Variants in KCNH5 observed in about 807,000 individuals in gnomAD.
KCNH5 encodes the protein potassium voltage-gated channel subfamily H member 5.
In KCNH5, 46 loss-of-function variants were observed where a neutral mutation model predicts 96.1. That is an observed-to-expected ratio of 0.48 (90% CI 0.38 to 0.61). The LOEUF is 0.61. Among genes scored for constraint, KCNH5 ranks in the 20% least tolerant of loss-of-function variants. The pLI is 0.00. For synonymous variants in KCNH5, 439 were observed against 449.8 expected (o/e 0.98, Z 0.30); for missense variants, 907 against 1,225.8 (o/e 0.74, Z 3.88).
intron 9 of KCNH5, 148 bp from the exon 10 acceptor site, chr14:62,780,072 C>T (rs950404598): frequency 2.1e-6 from 1 of 479,154 alleles, no homozygotes; most frequent in East Asian, 3.4e-5. Flanking sequence ...TAACAATACA[C>T]AATGCTTTCA....
rs370875590 is a variant in KCNH5 at position 62,870,647 on chromosome 14, C to G, written c.1370-20795G>C. 3.8e-4 allele frequency among the ~76,000 whole-genome samples: 58 copies of G among 152,216 alleles called. 1 individual carries two copies. Among genetic ancestry groups the G allele is most frequent in the East Asian group, 3.3e-3 (17 of 5,176 alleles). On this transcript the variant is annotated intron_variant, in intron 7 of 10. Coordinates refer to ENST00000322893, the MANE Select transcript of KCNH5 (RefSeq NM_139318.5). ...AGTGAGTATCTTTTATAGGATAATG[C>G]ATGGAAACCTTTAACCACTGGAAAA...
chr14:62,889,620 TA>T (rs1888664222), intron 7 of KCNH5, among the ~76,000 whole-genome samples: 1 of 151,964 alleles, frequency 6.6e-6, no homozygotes, highest in Admixed American at 6.6e-5. Context: ...CCTAAGAGAG[TA>T]GAATCTCCAT....
At chr14:62,959,346 A>C (rs1483065802) in intron 6 of KCNH5, among the ~76,000 whole-genome samples, 1 of 152,142 alleles carries the variant, frequency 6.6e-6, no homozygotes, top group East Asian at 1.9e-4. Context: ...TGTCTCTAAA[A>C]GACAACATAT....
At chr14:62,835,999 A>G (rs1254671714) in intron 8 of KCNH5, among the ~76,000 whole-genome samples, 1 of 152,030 alleles carries the variant, frequency 6.6e-6, no homozygotes, top group Non-Finnish European at 1.5e-5. Context: ...AGATTACAGA[A>G]CAGGTCTTTT....
intron 8 of KCNH5, among the ~76,000 whole-genome samples, chr14:62,828,428 A>G (rs144303215): frequency 1.3e-5 from 2 of 152,312 alleles, no homozygotes; most frequent in East Asian, 3.9e-4. Flanking sequence ...TAATTTATGT[A>G]GAGATGAGGT....
At chr14:62,725,356 A>G (rs1257962915) in intron 10 of KCNH5, among the ~76,000 whole-genome samples, 1 of 152,152 alleles carries the variant, frequency 6.6e-6, no homozygotes, top group East Asian at 1.9e-4. Flanking sequence ...AATTCCATAT[A>G]TTTCTGTAAT....
At chr14:62,887,278 G>C (rs1888616335) in intron 7 of KCNH5, among the ~76,000 whole-genome samples, 1 of 152,142 alleles carries the variant, frequency 6.6e-6, no homozygotes, top group Non-Finnish European at 1.5e-5. Context: ...ATCAGTTCTT[G>C]ATTAAGGGAG....
At chr14:62,871,628 T>G (rs561540823) in intron 7 of KCNH5, among the ~76,000 whole-genome samples, 1 of 152,098 alleles carries the variant, frequency 6.6e-6, no homozygotes, top group Non-Finnish European at 1.5e-5. Context: ...TTCTGGGGAA[T>G]GAGGAATTGA....
At chr14:62,880,193 AC>A (rs1888464370) in intron 7 of KCNH5, among the ~76,000 whole-genome samples, 1 of 152,184 alleles carries the variant, frequency 6.6e-6, no homozygotes. Context: ...AGCAACCATT[AC>A]ATAGGTAATT....
chr14:62,899,285 T>C (rs1888874854), intron 7 of KCNH5, among the ~76,000 whole-genome samples: 2 of 152,156 alleles, frequency 1.3e-5, no homozygotes, highest in African/African-American at 4.8e-5. Flanking sequence ...CAAAAACTCA[T>C]GTGTACAGTA....
chr14:63,001,551 C>T (rs1375256312), intron 3 of KCNH5, 92 bp from the exon 4 acceptor site: 2 of 1,203,820 alleles, frequency 1.7e-6, no homozygotes, highest in East Asian at 2.5e-5. Flanking sequence ...CCTTCAGCTG[C>T]CAACAGCTGT....
intron 7 of KCNH5, among the ~76,000 whole-genome samples, chr14:62,939,766 C>T (rs527301774): frequency 6.6e-6 from 1 of 152,036 alleles, no homozygotes; most frequent in Middle Eastern, 3.2e-3. Flanking sequence ...GTGGTGAAAC[C>T]CCCAACTCTA....
chr14:62,881,050 A>G (rs1370098898), intron 7 of KCNH5, among the ~76,000 whole-genome samples: 2 of 152,194 alleles, frequency 1.3e-5, no homozygotes, highest in African/African-American at 2.4e-5. Context: ...TCACTTTTCA[A>G]TCTGTTGTGT....
intron 7 of KCNH5, among the ~76,000 whole-genome samples, chr14:62,867,099 T>C (rs1219838641): frequency 6.6e-6 from 1 of 152,110 alleles, no homozygotes; most frequent in East Asian, 1.9e-4. Context: ...CCCATGGTTA[T>C]CAGCAAAGAG....
At chr14:62,948,801 C>T (rs1452659448) in intron 7 of KCNH5, among the ~76,000 whole-genome samples, 2 of 145,586 alleles carry the variant, frequency 1.4e-5, no homozygotes, top group South Asian at 2.2e-4. Context: ...CATCAAAAAG[C>T]TTATCCACCA....
At chr14:62,923,071 A>C (rs1299656550) in intron 7 of KCNH5, among the ~76,000 whole-genome samples, 2 of 151,932 alleles carry the variant, frequency 1.3e-5, no homozygotes. Context: ...ATATAGAATA[A>C]TCATAAAGAC....
intron 7 of KCNH5, among the ~76,000 whole-genome samples, chr14:62,857,961 TAATAC>T (rs1463656420): frequency 3.9e-5 from 6 of 152,136 alleles, no homozygotes; most frequent in African/African-American, 1.4e-4. Flanking sequence ...ACACCTAATA[TAATAC>T]AACTATCCTT....
chr14:62,864,466 G>T (rs78977964), intron 7 of KCNH5, among the ~76,000 whole-genome samples: 16,250 of 152,080 alleles, frequency 0.11, 1,121 homozygotes, highest in East Asian at 0.28. Context: ...GCTGACCTGA[G>T]GCTTTAAAAT....
At chr14:62,961,532 G>A (rs1423492420) in intron 6 of KCNH5, among the ~76,000 whole-genome samples, 1 of 152,172 alleles carries the variant, frequency 6.6e-6, no homozygotes, top group East Asian at 1.9e-4. Flanking sequence ...TGAGGTAACA[G>A]GCAATGAGAG....
Sources: gnomAD v4.1 joint callset for allele counts (sites outside exome capture counted in the v4.1 genomes callset) on GRCh38, gnomAD v4.1.1 for gene constraint, MANE v1.5 for transcripts, NCBI Gene and HGNC (gene_info 2026-07-23, HGNC 2026-07-21) for gene names.